The following ENGASE variants were observed in gnomAD, a reference collection of about 807,000 sequenced individuals.
The protein encoded by ENGASE is cytosolic endo-beta-N-acetylglucosaminidase.
ENGASE carries 69 observed loss-of-function variants against 78.5 expected under a neutral mutation model. That is an observed-to-expected ratio of 0.88 (90% CI 0.72 to 1.07). The LOEUF is 1.07. Ranked by LOEUF, ENGASE falls within the 50% of genes least tolerant of loss-of-function variation. ENGASE has a pLI of 0.00. For synonymous variants in ENGASE, 408 were observed against 408.9 expected (o/e 1.00, Z 0.03); for missense variants, 943 against 988.4 (o/e 0.95, Z 0.62).
intron 7 of ENGASE, 185 bp from the exon 8 acceptor site, chr17:79,082,835 G>A: frequency 6.5e-7 from 1 of 1,532,204 alleles, no homozygotes; most frequent in South Asian, 1.1e-5. Context: ...CCCTCTTCTG[G>A]CGGGCTTGTG....
At chr17:79,084,043 A>G in intron 10 of ENGASE, 92 bp downstream of exon 10, 1 of 1,165,630 alleles carries the variant, frequency 8.6e-7, no homozygotes, top group South Asian at 1.4e-5. Context: ...TGGAGGCCAG[A>G]ACAAGGACAG....
chr17:79,080,448 C>T lies in ENGASE; in HGVS notation c.723+84C>T, dbSNP rs558735001. 56 of 1,506,516 alleles carry T rather than the reference C, an allele frequency of 3.7e-5. No homozygotes were observed. In the African/African-American group the frequency reaches 5.5e-4, roughly 15 times the overall value. 93.3% of individuals were successfully genotyped at this position (1,506,516 alleles called of 1,614,324 possible). ...CCTCTTTCCTGCCTTGGCCTCACCT[C>T]GCCCCACGCCTGGGCTGCAGGTTGC... On this transcript the variant is annotated intron_variant, in intron 5 of 13. Coordinates refer to ENST00000579016, the MANE Select transcript of ENGASE (RefSeq NM_001042573.3).
Position 79,079,643 on chromosome 17 carries a change from A to G in ENGASE, c.565+6A>G. 1 of 1,611,586 alleles carries G rather than the reference A, an allele frequency of 6.2e-7. No homozygotes were observed. Among genetic ancestry groups the G allele is most frequent in the South Asian group, 1.1e-5 (1 of 90,644 alleles). ...GCATGGGGTCTGCGTGCTGGGTAAG[A>G]GCCAAGGACTCACCTCTGTGTCAGC... On this transcript the variant is annotated splice_donor_region_variant and intron_variant, in intron 4 of 13. Coordinates refer to ENST00000579016, the MANE Select transcript of ENGASE (RefSeq NM_001042573.3).
chr17:79,084,773 G>T, intron 11 of ENGASE, 87 bp downstream of exon 11: 5 of 1,482,400 alleles, frequency 3.4e-6, no homozygotes, highest in Non-Finnish European at 4.6e-6. Context: ...GGTGTGGGGA[G>T]GAGCTGGTGT....
chr17:79,082,298 G>T, intron 7 of ENGASE: 1 of 1,453,598 alleles, frequency 6.9e-7, no homozygotes, highest in Non-Finnish European at 9.1e-7. Context: ...TTGTGTGGGT[G>T]TTACCAGACA....
chr17:79,084,389 C>T lies in ENGASE; in HGVS notation c.1443-149C>T, dbSNP rs73400118. 13,182 of 732,922 alleles carry T rather than the reference C, an allele frequency of 0.018. 1,163 individuals carry two copies. In the African/African-American group the frequency reaches 0.2, roughly 11 times the overall value. The allele number at this position is 732,922 out of a possible 1,614,324, so 45.4% of individuals were successfully genotyped here. ...ATCTGGCCTTGGGGGAGGACTTGTCCCCTGGCTACGGACAGGACCACGATG... is the reference window on the plus strand; with the variant it reads ...ATCTGGCCTTGGGGGAGGACTTGTCTCCTGGCTACGGACAGGACCACGATG... On this transcript the variant is annotated intron_variant, in intron 10 of 13. Transcript: ENST00000579016.
In ENGASE at chr17:79,081,920, G is replaced by A. The variant is rs780724905; in HGVS notation, c.895G>A (p.Gly299Ser). 58 of 1,613,200 alleles carry A rather than the reference G, an allele frequency of 3.6e-5. No individual in the cohort carries two copies. The highest frequency in any genetic ancestry group is 4.5e-5 in the Non-Finnish European group (53 of 1,179,474). Reference sequence around the variant, plus strand: ...CAGGGTCTTCTTTGATTCCTGCGACGGCTTCTTCACTAACTATAACTGGCG... The same window carrying A: ...CAGGGTCTTCTTTGATTCCTGCGACAGCTTCTTCACTAACTATAACTGGCG... ...HNRVFFDSCDGFFTNYNWREE... is the reference protein window; with the variant it reads ...HNRVFFDSCDSFFTNYNWREE... The change falls in exon 7 of 14, where the codon GGC becomes AGC. Residue 299 changes from glycine to serine, a missense_variant. Transcript: ENST00000579016.
chr17:79,079,106 T>C (rs750507883), intron 3 of ENGASE, among the ~76,000 whole-genome samples: 6 of 152,150 alleles, frequency 3.9e-5, no homozygotes, highest in African/African-American at 9.7e-5. Context: ...AGAGAAACCT[T>C]TGGGGACACC....
rs1221428217 is a variant in ENGASE, at chr17:79,086,074, T to C, written c.1957T>C (p.Phe653Leu). 1.9e-6 allele frequency: 3 copies of C among 1,613,014 alleles called. No individual in the cohort carries two copies. Among genetic ancestry groups the C allele is most frequent in the Non-Finnish European group, 2.5e-6 (3 of 1,179,486 alleles). Reference sequence around the variant, plus strand: ...GCTCAGCTGCACCCTGCACTGGTCCTTCCTCCTCTCACAAGTCCGTTGCTT... The same window carrying C: ...GCTCAGCTGCACCCTGCACTGGTCCCTCCTCCTCTCACAAGTCCGTTGCTT... Reference protein sequence around the residue: ...LQLSCTLHWSFLLSQVRCFRI... With the variant: ...LQLSCTLHWSLLLSQVRCFRI... The change falls in exon 14 of 14, where the codon TTC (phenylalanine) becomes CTC (leucine). Residue 653 changes from phenylalanine to leucine, a missense_variant. By Grantham distance (22) the Phe-to-Leu change is conservative. Coordinates refer to ENST00000579016, the MANE Select transcript of ENGASE (RefSeq NM_001042573.3).
chr17:79,083,933 T>C lies in ENGASE; in HGVS notation c.1424T>C (p.Val475Ala), dbSNP rs1401925426. 3 of 1,609,110 alleles carry C rather than the reference T, an allele frequency of 1.9e-6. No individual in the cohort carries two copies. The highest frequency in any genetic ancestry group is 1.1e-5 in the South Asian group (1 of 90,786). Residue 475 changes from valine to alanine, a missense_variant, in exon 10 of 14, where the codon GTT becomes GCT. By Grantham distance (64) the Val-to-Ala change is moderately conservative. Transcript: ENST00000579016. The surrounding 1 kb of genome is among the most constrained non-coding windows in gnomAD (Gnocchi z 4.9). ...LLVRGVIPPE[V>A]GNVAVRLFSL... is the part of the protein sequence containing the mutation. ...GTCCGGGGTGTGATCCCACCGGAGG[T>C]TGGAAATGTGGCTGTGAGGTGGGTG...
chr17:79,083,296 C>A lies in ENGASE; in HGVS notation c.1142+173C>A. The A allele has an allele frequency of 1.4e-6, 1 of 707,148 alleles. No individual in the cohort carries two copies. The highest frequency in any genetic ancestry group is 2.4e-6 in the Non-Finnish European group (1 of 425,492). 43.8% of individuals were successfully genotyped at this position (707,148 alleles called of 1,614,324 possible). On this transcript the variant is annotated intron_variant, in intron 8 of 13. Coordinates refer to ENST00000579016, the MANE Select transcript of ENGASE (RefSeq NM_001042573.3). This position sits in a 1 kb window ranked among gnomAD's most constrained non-coding sequence, Gnocchi z 4.9. Reference sequence around the variant, plus strand: ...TGGCTGCTTCCGGGCAGGGACCAAACCCAGCGGCCGCTTCCTGCAGACTCG... The same window carrying A: ...TGGCTGCTTCCGGGCAGGGACCAAAACCAGCGGCCGCTTCCTGCAGACTCG...
At chr17:79,076,722 T>C (rs551547415) in intron 1 of ENGASE, among the ~76,000 whole-genome samples, 18 of 152,322 alleles carry the variant, frequency 1.2e-4, no homozygotes, top group African/African-American at 4.3e-4. Context: ...AGAGGAAGCC[T>C]GGTCTCTGCT....
rs966435925 is a variant in ENGASE at position 79,083,215 on chromosome 17, A to T, written c.1142+92A>T. The T allele has an allele frequency of 1.0e-5, 10 of 992,166 alleles. No homozygotes were observed. The highest frequency in any genetic ancestry group is 7.3e-5 in the South Asian group (5 of 68,376). The allele number at this position is 992,166 out of a possible 1,614,324, so 61.5% of individuals were successfully genotyped here. On this transcript the variant is annotated intron_variant, in intron 8 of 13. Coordinates refer to ENST00000579016, the MANE Select transcript of ENGASE (RefSeq NM_001042573.3). The surrounding 1 kb of genome is among the most constrained non-coding windows in gnomAD (Gnocchi z 4.9). ...TAGGACACGTTTGTGCTCTTTAGTG[A>T]CCCTTCCTATGGGGGGGTGGTTAAG...
At position 79,087,170 on chromosome 17, in the gene ENGASE, G is replaced by A. The variant is rs1395617074; in HGVS notation, c.*821G>A. Reference sequence around the variant, plus strand: ...TGGGCTCTGGACAAGCCGCCCTTCAGGCTGGGGTAGCAGGTCAGTCCAGGC... The same window carrying A: ...TGGGCTCTGGACAAGCCGCCCTTCAAGCTGGGGTAGCAGGTCAGTCCAGGC... On this transcript the variant is annotated 3_prime_UTR_variant, in exon 14 of 14. Coordinates refer to ENST00000579016, the MANE Select transcript of ENGASE (RefSeq NM_001042573.3). 3 of 409,266 alleles carry A rather than the reference G, an allele frequency of 7.3e-6. No individual in the cohort carries two copies. The highest frequency in any genetic ancestry group is 5.1e-5 in the Admixed American group (2 of 38,836). The allele number at this position is 409,266 out of a possible 1,614,324, so 25.4% of individuals were successfully genotyped here. A position where few individuals can be genotyped will look rare whatever the true frequency, so the allele number is the denominator to read the frequency against.
Position 79,081,071 on chromosome 17 carries a change from CA to C in ENGASE, c.871del (p.Arg291GlyfsTer60). 6.3e-7 allele frequency: 1 copy of C among 1,593,016 alleles called. No homozygotes were observed. Among genetic ancestry groups the C allele is most frequent in the Non-Finnish European group, 8.5e-7 (1 of 1,171,252 alleles). On this transcript the variant is annotated frameshift_variant and splice_region_variant, in exon 6 of 14. Transcript: ENST00000579016. LOFTEE classifies it high-confidence loss of function. ...GGCAAGACGAACTCAACCAGCACAA[CA>C]GGTGAGCCTGCAGACAGGTGCTGTG... Reference protein sequence around the residue: ...KWQDELNQHNRVFFDSCDGFF... With the variant: ...KWQDELNQHNXVFFDSCDGFF...
intron 1 of ENGASE, chr17:79,075,640 C>T (rs1421669295): frequency 2.1e-6 from 2 of 971,300 alleles, no homozygotes; most frequent in African/African-American, 3.5e-5. Flanking sequence ...GGGCTTCCTT[C>T]CTTTGGGGGG....
rs1353199634 is a variant in ENGASE at position 79,077,687 on chromosome 17, C to G, written c.239C>G (p.Thr80Ser). The change falls in exon 3 of 14, where the codon ACC becomes AGC. Residue 80 changes from threonine (T) to serine (S), a missense_variant. Physicochemically the swap from Thr to Ser is moderately conservative, Grantham distance 58. Transcript: ENST00000579016. ...LPVRYYDKDT[T>S]KPISFYLSSL... ...GTTAGATATTATGACAAGGACACCA[C>G]CAAACCAATCAGCTTTTACTTGTCT... is the stretch of plus-strand genomic sequence containing the variant. 1.2e-6 allele frequency: 2 copies of G among 1,614,230 alleles called. No homozygotes were observed. Among genetic ancestry groups the G allele is most frequent in the Non-Finnish European group, 1.7e-6 (2 of 1,180,044 alleles).
At chr17:79,076,665 A>G (rs2072975014) in intron 1 of ENGASE, among the ~76,000 whole-genome samples, 1 of 152,232 alleles carries the variant, frequency 6.6e-6, no homozygotes, top group African/African-American at 2.4e-5. Flanking sequence ...TCCCTGTAAC[A>G]TACATCCATG....
intron 10 of ENGASE, chr17:79,084,170 T>G (rs1002353326): frequency 3.5e-6 from 2 of 567,170 alleles, no homozygotes; most frequent in African/African-American, 3.8e-5. Context: ...CGTACGTTGC[T>G]ACGTGACAGA....
Sources: allele counts gnomAD v4.1 joint callset (sites outside exome capture counted in the v4.1 genomes callset), GRCh38; gene constraint gnomAD v4.1.1; non-coding constraint Gnocchi (gnomAD v3.1); transcripts MANE v1.5; gene names NCBI Gene and HGNC (gene_info 2026-07-23, HGNC 2026-07-21).